C12orf54: variants seen among roughly 807,000 people sequenced by gnomAD.
C12orf54 encodes the protein chromosome 12 open reading frame 54, also known as uncharacterized protein C12orf54.
C12orf54 carries 24 observed loss-of-function variants against 26.4 expected under a neutral mutation model. The observed-to-expected ratio is 0.91, with a 90% confidence interval of 0.66 to 1.28. The LOEUF is 1.28. Among genes scored for constraint, C12orf54 ranks in the 50% most tolerant of loss-of-function variants. The pLI, the probability that C12orf54 is intolerant of heterozygous loss-of-function variation, is 0.00. For synonymous variants in C12orf54, 54 were observed against 47.0 expected, an observed-to-expected ratio of 1.15 and a Z score of -0.61; for missense variants, 154 against 150.9, an observed-to-expected ratio of 1.02 and a Z score of -0.11.
intron 4 of C12orf54, chr12:48,488,495 AG>A (rs1565571805): frequency 1.8e-5 from 6 of 334,566 alleles, no homozygotes; most frequent in South Asian, 2.6e-5. Context: ...AAAAAAAAAA[AG>A]AAAGAAAGAA....
chr12:48,450,884 A>C, the C12orf54 span, among the ~76,000 whole-genome samples: 3 of 152,188 alleles, frequency 2.0e-5, no homozygotes, highest in Non-Finnish European at 4.4e-5. Flanking sequence ...TCACAGCTAA[A>C]TTCTACCAGA....
At chr12:48,476,353 C>T in the C12orf54 span, among the ~76,000 whole-genome samples, 2 of 152,134 alleles carry the variant, frequency 1.3e-5, no homozygotes, top group Non-Finnish European at 2.9e-5. Context: ...AGCAAAATAA[C>T]CAGCTAACAT....
At chr12:48,486,767 T>C (rs2731092) in intron 4 of C12orf54, 41 bp downstream of exon 4, 540,789 of 1,583,540 alleles carry the variant, frequency 0.34, 94,655 homozygotes, top group African/African-American at 0.36. Flanking sequence ...TGGCATGAGG[T>C]GGGAGGTGGG....
the C12orf54 span, among the ~76,000 whole-genome samples, chr12:48,474,686 C>T: frequency 2.0e-5 from 3 of 152,248 alleles, no homozygotes; most frequent in African/African-American, 7.2e-5. Context: ...GGCAGCAAGG[C>T]TGCGGGAGGG....
the C12orf54 span, among the ~76,000 whole-genome samples, chr12:48,419,385 G>A: frequency 6.6e-6 from 1 of 152,090 alleles, no homozygotes; most frequent in Non-Finnish European, 1.5e-5. Context: ...TCTCTCTTGC[G>A]TGGTTTTAAG....
chr12:48,488,193 C>T, intron 4 of C12orf54: 1 of 714,650 alleles, frequency 1.4e-6, no homozygotes, highest in South Asian at 1.4e-5. Flanking sequence ...TGATTACCTT[C>T]ATTGGCCCCT....
rs773268220 is a variant in C12orf54 at position 48,485,772 on chromosome 12, G to A, written c.66-406G>A. 7.2e-5 allele frequency among the ~76,000 whole-genome samples: 11 copies of A among 152,082 alleles called. No individual in the cohort carries two copies. In the South Asian group the frequency reaches 1.0e-3, roughly 14 times the overall value. The stretch of plus-strand genomic sequence containing the variant: ...TCACGAAGGAAAAGAACACTTTTTC[G>A]GGGGATAAAAAAGGAAGCAGTTTGC... On this transcript the variant is annotated intron_variant, in intron 2 of 8. Coordinates refer to ENST00000548364, the MANE Select transcript of C12orf54 (RefSeq NM_152319.4).
intron 2 of C12orf54, among the ~76,000 whole-genome samples, chr12:48,483,809 C>T (rs369222318): frequency 1.3e-5 from 2 of 152,204 alleles, no homozygotes; most frequent in Non-Finnish European, 2.9e-5. Context: ...GGAGGGTTTA[C>T]TGTGAACTTA....
chr12:48,468,611 T>C, the C12orf54 span, among the ~76,000 whole-genome samples: 2 of 152,202 alleles, frequency 1.3e-5, no homozygotes, highest in Admixed American at 6.5e-5. Flanking sequence ...AAAGCTGTTA[T>C]GGTTATATTA....
the C12orf54 span, among the ~76,000 whole-genome samples, chr12:48,474,152 T>C: frequency 6.6e-6 from 1 of 152,308 alleles, no homozygotes; most frequent in East Asian, 1.9e-4. Context: ...AAAAAAAAAC[T>C]GTCCTATCTT....
At chr12:48,474,454 C>G in the C12orf54 span, among the ~76,000 whole-genome samples, 1 of 152,170 alleles carries the variant, frequency 6.6e-6, no homozygotes, top group Non-Finnish European at 1.5e-5. Flanking sequence ...ATCATCTCAC[C>G]CAGGAAGTGC....
At chr12:48,451,358 A>G in the C12orf54 span, among the ~76,000 whole-genome samples, 2 of 152,120 alleles carry the variant, frequency 1.3e-5, no homozygotes, top group Non-Finnish European at 2.9e-5. Context: ...TAAGGGCCAC[A>G]TATGACAAAC....
intron 3 of C12orf54, 91 bp from the exon 4 acceptor site, chr12:48,486,597 C>T (rs1266548040): frequency 9.5e-6 from 13 of 1,364,024 alleles, no homozygotes; most frequent in Admixed American, 5.7e-5. Context: ...TTCCAAGAAA[C>T]ATCTTGTCTT....
At chr12:48,445,950 G>C in the C12orf54 span, among the ~76,000 whole-genome samples, 456 of 152,238 alleles carry the variant, frequency 3.0e-3, 1 homozygote, top group Non-Finnish European at 3.2e-3. Flanking sequence ...AATACCATGA[G>C]AACAAAGATC....
intron 5 of C12orf54, among the ~76,000 whole-genome samples, chr12:48,489,507 C>T (rs954257386): frequency 2.6e-5 from 4 of 152,082 alleles, no homozygotes; most frequent in African/African-American, 9.7e-5. Flanking sequence ...CTCACTGCAA[C>T]CTCTGGCTCC....
At chr12:48,468,572 A>G in the C12orf54 span, among the ~76,000 whole-genome samples, 1 of 145,344 alleles carries the variant, frequency 6.9e-6, no homozygotes, top group African/African-American at 2.4e-5. Flanking sequence ...CAAAAAAGAT[A>G]CCATGCAAAC....
upstream of C12orf54, among the ~76,000 whole-genome samples, chr12:48,480,059 A>G (rs1306430083): frequency 6.6e-6 from 1 of 152,120 alleles, no homozygotes; most frequent in Non-Finnish European, 1.5e-5. Context: ...TTAAAGCAAG[A>G]CCCTGGTATA....
the C12orf54 span, among the ~76,000 whole-genome samples, chr12:48,433,440 C>T: frequency 1.7e-5 from 2 of 114,778 alleles, no homozygotes; most frequent in Non-Finnish European, 3.6e-5. Flanking sequence ...AGTTACTGTG[C>T]AACAAGCTTT....
chr12:48,417,902 A>G, the C12orf54 span, among the ~76,000 whole-genome samples: 1 of 152,346 alleles, frequency 6.6e-6, no homozygotes, highest in South Asian at 2.1e-4. Context: ...TGTTACTACA[A>G]ACAACATGAT....
Sources: allele counts gnomAD v4.1 joint callset (sites outside exome capture counted in the v4.1 genomes callset), GRCh38; gene constraint gnomAD v4.1.1; transcripts MANE v1.5; gene names NCBI Gene and HGNC (gene_info 2026-07-23, HGNC 2026-07-21).